CAB39: variants seen among roughly 807,000 people sequenced by gnomAD.
CAB39 encodes calcium-binding protein 39.
A neutral mutation model predicts 40.0 loss-of-function variants in CAB39; 8 were observed. The ratio of observed to expected loss-of-function variants is 0.20; its 90% CI spans 0.12 to 0.36. The LOEUF (loss-of-function observed/expected upper bound fraction) is 0.36. Among genes scored for constraint, CAB39 ranks in the 10% least tolerant of loss-of-function variants. The pLI is 1.00. For synonymous variants in CAB39, 156 were observed against 141.6 expected, an observed-to-expected ratio of 1.10 and a Z score of -0.72; for missense variants, 270 against 401.1, an observed-to-expected ratio of 0.67 and a Z score of 2.79.
chr2:230,721,100 C>G (rs1694444503), intron 1 of CAB39, among the ~76,000 whole-genome samples: 1 of 152,182 alleles, frequency 6.6e-6, no homozygotes, highest in Non-Finnish European at 1.5e-5. Flanking sequence ...TACGTTCTTT[C>G]TATAAATATT....
intron 4 of CAB39, among the ~76,000 whole-genome samples, chr2:230,798,512 C>T (rs73995155): frequency 0.032 from 4,908 of 152,212 alleles, 257 homozygotes; most frequent in African/African-American, 0.11. Flanking sequence ...TGGTTTAAGG[C>T]GGTCATCACC....
intron 1 of CAB39, among the ~76,000 whole-genome samples, chr2:230,732,763 GA>G (rs1326429783): frequency 1.3e-5 from 2 of 152,184 alleles, no homozygotes; most frequent in Non-Finnish European, 2.9e-5. Context: ...AAATGATGAT[GA>G]TAATGAAGTG....
chr2:230,784,051 TCAGTA>T (rs1398722775), intron 2 of CAB39, among the ~76,000 whole-genome samples: 2 of 152,140 alleles, frequency 1.3e-5, no homozygotes, highest in Non-Finnish European at 2.9e-5. Flanking sequence ...AAGAAACCAG[TCAGTA>T]CACGATATAT....
chr2:230,801,115 A>G (rs1696082096), intron 5 of CAB39, among the ~76,000 whole-genome samples: 1 of 152,140 alleles, frequency 6.6e-6, no homozygotes, highest in Admixed American at 6.5e-5. Flanking sequence ...TATTGCATGG[A>G]AAGGAAGGAG....
chr2:230,807,139 T>C (rs1333159524), intron 5 of CAB39, among the ~76,000 whole-genome samples: 1 of 152,174 alleles, frequency 6.6e-6, no homozygotes, highest in Non-Finnish European at 1.5e-5. Context: ...TGGTCTGGGG[T>C]CACATGCACC....
chr2:230,748,831 A>AAAAAAATATATATATATATATATAT (rs1386799920), intron 1 of CAB39, among the ~76,000 whole-genome samples: 1 of 28,510 alleles, frequency 3.5e-5, no homozygotes, highest in Non-Finnish European at 6.3e-5. Context: ...AAAAAAAAAA[A>AAAAAAATATATATATATATATATAT]ATATATATAT....
chr2:230,715,742 G>A (rs1452861480), intron 1 of CAB39, among the ~76,000 whole-genome samples: 1 of 152,156 alleles, frequency 6.6e-6, no homozygotes, highest in African/African-American at 2.4e-5. Context: ...TCACTCGGTC[G>A]CTCAGGCCGG....
intron 2 of CAB39, among the ~76,000 whole-genome samples, chr2:230,778,618 A>G (rs1196915514): frequency 6.6e-6 from 1 of 152,024 alleles, no homozygotes; most frequent in Non-Finnish European, 1.5e-5. Flanking sequence ...ACCCTGTTTT[A>G]TTTTTTAATG....
chr2:230,745,520 A>C (rs374930212), intron 1 of CAB39, among the ~76,000 whole-genome samples: 1 of 152,250 alleles, frequency 6.6e-6, no homozygotes. Flanking sequence ...CATATATCTG[A>C]GATTTAATAG....
intron 1 of CAB39, among the ~76,000 whole-genome samples, chr2:230,727,237 A>G (rs1301761993): frequency 6.7e-6 from 1 of 149,224 alleles, no homozygotes; most frequent in Non-Finnish European, 1.5e-5. Context: ...ATATTTAAAT[A>G]TATATAAATT....
chr2:230,745,521 G>T (rs1332291263), intron 1 of CAB39, among the ~76,000 whole-genome samples: 1 of 152,224 alleles, frequency 6.6e-6, no homozygotes, highest in East Asian at 1.9e-4. Context: ...ATATATCTGA[G>T]ATTTAATAGA....
chr2:230,781,565 C>T (rs1695686779), intron 2 of CAB39, among the ~76,000 whole-genome samples: 1 of 152,168 alleles, frequency 6.6e-6, no homozygotes, highest in South Asian at 2.1e-4. Flanking sequence ...AATGTGCAGG[C>T]TTGGCAGGAC....
intron 1 of CAB39, among the ~76,000 whole-genome samples, chr2:230,742,698 C>T (rs1239476639): frequency 6.6e-6 from 1 of 151,572 alleles, no homozygotes; most frequent in Admixed American, 6.6e-5. Context: ...TAAGAAAATA[C>T]AAATGGAAGT....
chr2:230,787,432 C>T (rs1268156881), intron 2 of CAB39, among the ~76,000 whole-genome samples: 3 of 152,122 alleles, frequency 2.0e-5, no homozygotes, highest in African/African-American at 7.2e-5. Flanking sequence ...CCATCAGAAT[C>T]CAGAGTTACT....
At chr2:230,761,358 T>C (rs1248727054) in intron 2 of CAB39, among the ~76,000 whole-genome samples, 1 of 152,208 alleles carries the variant, frequency 6.6e-6, no homozygotes, top group African/African-American at 2.4e-5. Context: ...TTTCTTACAC[T>C]TATTCACATG....
chr2:230,719,690 T>G (rs1462204248), intron 1 of CAB39, among the ~76,000 whole-genome samples: 2 of 152,194 alleles, frequency 1.3e-5, no homozygotes, highest in African/African-American at 4.8e-5. Flanking sequence ...CATGGCTAAT[T>G]ATGTTGTCAC....
intron 1 of CAB39, among the ~76,000 whole-genome samples, chr2:230,759,475 G>A (rs1056690811): frequency 2.6e-5 from 4 of 152,192 alleles, no homozygotes; most frequent in Non-Finnish European, 4.4e-5. Context: ...GATTAAGGAC[G>A]CTTTGGATCA....
chr2:230,820,071 C>T lies in CAB39; in HGVS notation c.*1367C>T, dbSNP rs369915312. 1 of 152,594 alleles carries T rather than the reference C, an allele frequency of 6.6e-6. No homozygotes were observed. Among genetic ancestry groups the T allele is most frequent in the South Asian group, 2.1e-4 (1 of 4,836 alleles). 9.5% of individuals were successfully genotyped at this position (152,594 alleles called of 1,614,324 possible). On this transcript the variant is annotated 3_prime_UTR_variant, in exon 9 of 9. Coordinates refer to ENST00000258418, the MANE Select transcript of CAB39 (RefSeq NM_016289.4). ...TTATAAAGTAACTGATTTTGCACCA[C>T]TTTTTTGTTACTGTGACCACGGCAG...
chr2:230,779,300 C>G (rs1198963652), intron 2 of CAB39: 1 of 152,192 alleles, frequency 6.6e-6, no homozygotes, highest in Non-Finnish European at 1.5e-5. Flanking sequence ...TTGGAGCCTC[C>G]ACACTCCCAC....
Sources: allele counts gnomAD v4.1 joint callset (sites outside exome capture counted in the v4.1 genomes callset), GRCh38; gene constraint gnomAD v4.1.1; transcripts MANE v1.5; gene names NCBI Gene and HGNC (gene_info 2026-07-23, HGNC 2026-07-21).